NUP155: variants seen among roughly 807,000 people sequenced by gnomAD.
NUP155 encodes nuclear pore complex protein Nup155.
Under a neutral mutation model 180.4 loss-of-function variants are expected in NUP155, and 71 were observed. That is an observed-to-expected ratio of 0.39 (90% CI 0.33 to 0.48). The LOEUF (loss-of-function observed/expected upper bound fraction) is 0.48. Ranked by LOEUF, NUP155 falls within the 20% of genes least tolerant of loss-of-function variation. The probability of loss-of-function intolerance (pLI) is 0.91; values close to 1 mark genes in which losing one functional copy is unlikely to be tolerated. For synonymous variants in NUP155, 582 were observed against 559.5 expected (o/e 1.04, Z -0.57); for missense variants, 1,553 against 1,648.9 (o/e 0.94, Z 1.01).
chr5:37,314,390 T>C, intron 21 of NUP155, 62 bp from the exon 22 acceptor site: 2 of 1,282,022 alleles, frequency 1.6e-6, no homozygotes, highest in Non-Finnish European at 2.2e-6. Flanking sequence ...TTATTTCAAA[T>C]AAAAACTGTA....
intron 15 of NUP155, among the ~76,000 whole-genome samples, chr5:37,329,798 T>C (rs1043838085): frequency 1.9e-4 from 29 of 152,136 alleles, no homozygotes; most frequent in Non-Finnish European, 3.5e-4. Flanking sequence ...GTGTAGAAAG[T>C]AGACAAGAAG....
intron 9 of NUP155, among the ~76,000 whole-genome samples, chr5:37,344,616 C>T (rs964631889): frequency 6.6e-5 from 10 of 151,464 alleles, no homozygotes; most frequent in South Asian, 4.2e-4. Context: ...TAAAAGATTT[C>T]GAAGCCAGGC....
chr5:37,370,428 T>C (rs1258770158), intron 1 of NUP155, among the ~76,000 whole-genome samples: 4 of 152,208 alleles, frequency 2.6e-5, no homozygotes, highest in African/African-American at 9.6e-5. Context: ...ACATGCTAAA[T>C]TTCCAAATTA....
chr5:37,301,578 T>A, intron 29 of NUP155, 28 bp from the exon 30 acceptor site: 1 of 1,289,232 alleles, frequency 7.8e-7, no homozygotes, highest in Non-Finnish European at 1.1e-6. Flanking sequence ...CAGGATGTCT[T>A]AATTTATTTA....
In NUP155 at chr5:37,303,372, T is replaced by C; in HGVS notation, c.3205A>G (p.Lys1069Glu). 6.2e-7 allele frequency: 1 copy of C among 1,614,132 alleles called. No individual in the cohort carries two copies. The highest frequency in any genetic ancestry group is 8.5e-7 in the Non-Finnish European group (1 of 1,179,982). ...TAACGAACTCTGTTTTGATCAACTTTGGCCATTCGGACTAGATGTGGCTCC... is the reference window on the plus strand; with the variant it reads ...TAACGAACTCTGTTTTGATCAACTTCGGCCATTCGGACTAGATGTGGCTCC... ...FLEPHLVRMA[K>E]VDQNRVRYMD... Residue 1069 changes from lysine to glutamate, a missense_variant, in exon 28 of 35, where the codon AAA (lysine) becomes GAA (glutamate). Lys to Glu is a moderately conservative substitution (Grantham distance 56). Transcript: ENST00000231498.
chr5:37,358,814 T>C (rs1019704164), intron 3 of NUP155, among the ~76,000 whole-genome samples: 4 of 151,966 alleles, frequency 2.6e-5, no homozygotes, highest in East Asian at 1.9e-4. Flanking sequence ...GTCAGGAGAT[T>C]GAGGCCATCC....
chr5:37,318,162 T>TA, intron 20 of NUP155, 77 bp from the exon 21 acceptor site: 2 of 894,196 alleles, frequency 2.2e-6, no homozygotes, highest in Non-Finnish European at 3.8e-6. Flanking sequence ...AATTCAAACA[T>TA]TTAATATGTT....
In NUP155 at chr5:37,332,313, C is replaced by CTTTTTTTTTT. The variant is rs1021002313; in HGVS notation, c.1519-528_1519-519dup. ...GCAATTGAGGTTTCTGCCATTACAG[C>CTTTTTTTTTT]TTTTTTTTTTTTTTTTTTTTTTTTT... On this transcript the variant is annotated intron_variant, in intron 13 of 34. Coordinates refer to ENST00000231498, the MANE Select transcript of NUP155 (RefSeq NM_153485.3). 4.3e-4 allele frequency among the ~76,000 whole-genome samples: 38 copies of CTTTTTTTTTT among 87,702 alleles called. 3 individuals are homozygous for CTTTTTTTTTT. The highest frequency in any genetic ancestry group is 1.6e-3 in the African/African-American group (28 of 17,716). The allele number at this position is 87,702 out of a possible 152,430, so 57.5% of individuals were successfully genotyped here. A position where few individuals can be genotyped will look rare whatever the true frequency, so the allele number is the denominator to read the frequency against.
chr5:37,354,084 T>C (rs182131181), intron 4 of NUP155, among the ~76,000 whole-genome samples: 9 of 152,294 alleles, frequency 5.9e-5, no homozygotes, highest in Non-Finnish European at 7.3e-5. Context: ...TTGATAATAG[T>C]ATATAGCAAT....
At chr5:37,342,511 G>A (rs780527369) in intron 10 of NUP155, 38 bp downstream of exon 10, 1 of 1,253,540 alleles carries the variant, frequency 8.0e-7, no homozygotes, top group South Asian at 1.2e-5. Flanking sequence ...TTCAGAAGTT[G>A]TAACAGTAAT....
intron 12 of NUP155, among the ~76,000 whole-genome samples, chr5:37,337,063 T>C (rs544291804): frequency 5.3e-4 from 81 of 151,710 alleles, no homozygotes; most frequent in African/African-American, 1.9e-3. Flanking sequence ...CAGGCAGGAG[T>C]GAGCAGAGGA....
At chr5:37,327,277 G>C (rs73749019) in intron 18 of NUP155, 19 of 301,174 alleles carry the variant, frequency 6.3e-5, no homozygotes, top group African/African-American at 4.0e-4. Flanking sequence ...TATCAGTGAG[G>C]CTTCTAGACA....
rs141685160 is a variant in NUP155 at position 37,351,871 on chromosome 5, A to AGTGT, written c.557-519_557-516dup. Among the ~76,000 whole-genome samples the AGTGT allele has an allele frequency of 5.4e-3, 810 of 148,626 alleles. 3 individuals are homozygous for AGTGT. Among genetic ancestry groups the AGTGT allele is most frequent in the African/African-American group, 0.017 (681 of 40,826 alleles). On this transcript the variant is annotated intron_variant, in intron 5 of 34. Transcript: ENST00000231498. Reference sequence around the variant, plus strand: ...TTAAACAGAACCTGCAGAGTGTGTGAGTGTGTGTGTGTGTGTGTGTGTGCC... The same window carrying AGTGT: ...TTAAACAGAACCTGCAGAGTGTGTGAGTGTGTGTGTGTGTGTGTGTGTGTGTGCC...
At position 37,302,984 on chromosome 5, in the gene NUP155, ACT is replaced by A. The variant is rs547688709; in HGVS notation, c.3318-78_3318-77del. 256 of 1,438,358 alleles carry A rather than the reference ACT, an allele frequency of 1.8e-4. 1 individual carries two copies. The African/African-American group carries it at 3.3e-3, about 19-fold the overall frequency. 89.1% of individuals were successfully genotyped at this position (1,438,358 alleles called of 1,614,324 possible). Reference sequence around the variant, plus strand: ...GATACAAATACGTCAATTAGTATGTACTGTTTCATACCAAACACACATAAAAA... The same window carrying A: ...GATACAAATACGTCAATTAGTATGTAGTTTCATACCAAACACACATAAAAA... On this transcript the variant is annotated intron_variant, in intron 28 of 34. Coordinates refer to ENST00000231498, the MANE Select transcript of NUP155 (RefSeq NM_153485.3).
chr5:37,356,745 C>T (rs1425227485), intron 4 of NUP155, among the ~76,000 whole-genome samples: 1 of 152,028 alleles, frequency 6.6e-6, no homozygotes, highest in East Asian at 1.9e-4. Context: ...GAGGGTGAAA[C>T]AATAAGTTAA....
intron 10 of NUP155, among the ~76,000 whole-genome samples, chr5:37,342,009 C>T (rs1745755521): frequency 6.6e-6 from 1 of 152,210 alleles, no homozygotes; most frequent in African/African-American, 2.4e-5. Context: ...ATGTCAGCCA[C>T]TGCGCCTTTT....
Position 37,371,029 on chromosome 5 carries a change from A to G in NUP155, c.-52T>C. ...AGAAAAAGTCAAAAACCAAGGAGAA[A>G]CAAGAAAAGATCCAAGAAGTTAGCT... On this transcript the variant is annotated 5_prime_UTR_variant, in exon 1 of 35. Coordinates refer to ENST00000231498, the MANE Select transcript of NUP155 (RefSeq NM_153485.3). 6.3e-7 allele frequency: 1 copy of G among 1,587,352 alleles called. No homozygotes were observed. Among genetic ancestry groups the G allele is most frequent in the Non-Finnish European group, 8.6e-7 (1 of 1,159,542 alleles).
intron 9 of NUP155, among the ~76,000 whole-genome samples, chr5:37,347,901 T>C (rs542580747): frequency 1.3e-4 from 20 of 150,882 alleles, no homozygotes; most frequent in Admixed American, 3.3e-4. Context: ...CTTTGGGAGG[T>C]TGAGGCGGGC....
chr5:37,330,074 C>T lies in NUP155; in HGVS notation c.1688G>A (p.Arg563Lys). 1 of 1,613,784 alleles carries T rather than the reference C, an allele frequency of 6.2e-7. No individual in the cohort carries two copies. Among genetic ancestry groups the T allele is most frequent in the Non-Finnish European group, 8.5e-7 (1 of 1,179,822 alleles). ...CCGAGTAGCCCAGGCAGATACTTCT[C>T]TATCACAGGCAGCAGTGGAGCAAGC... Reference protein sequence around the residue: ...ILACSTAACDREVSAWATRAF... With the variant: ...ILACSTAACDKEVSAWATRAF... Residue 563 changes from arginine (R) to lysine (K), a missense_variant, in exon 15 of 35, where the codon AGA (arginine) becomes AAA (lysine). Physicochemically the swap from Arg to Lys is conservative, Grantham distance 26. Coordinates refer to ENST00000231498, the MANE Select transcript of NUP155 (RefSeq NM_153485.3).
Sources: gnomAD v4.1 joint callset for allele counts (sites outside exome capture counted in the v4.1 genomes callset) on GRCh38, gnomAD v4.1.1 for gene constraint, MANE v1.5 for transcripts, NCBI Gene and HGNC (gene_info 2026-07-23, HGNC 2026-07-21) for gene names.